OSBPL10: variants seen among roughly 807,000 people sequenced by gnomAD.
The protein encoded by OSBPL10 is oxysterol binding protein like 10.
A neutral mutation model predicts 81.7 loss-of-function variants in OSBPL10; 49 were observed. The ratio of observed to expected loss-of-function variants is 0.60; its 90% CI spans 0.48 to 0.76. OSBPL10 has a LOEUF of 0.76. Ranked by LOEUF, OSBPL10 falls within the 30% of genes least tolerant of loss-of-function variation. The pLI is 0.00. For missense variants in OSBPL10, 923 were observed against 987.8 expected, an observed-to-expected ratio of 0.93 and a Z score of 0.88; for synonymous variants, 419 against 383.6, an observed-to-expected ratio of 1.09 and a Z score of -1.08.
intron 4 of OSBPL10, among the ~76,000 whole-genome samples, chr3:31,799,533 T>TA (rs371941334): frequency 7.8e-6 from 1 of 128,526 alleles, no homozygotes; most frequent in Non-Finnish European, 1.9e-5. Flanking sequence ...GCCTCGTTTG[T>TA]AAAATAATTA....
chr3:32,006,557 A>G (rs1309911684), intron 2 of OSBPL10, among the ~76,000 whole-genome samples: 1 of 152,142 alleles, frequency 6.6e-6, no homozygotes, highest in Non-Finnish European at 1.5e-5. Flanking sequence ...TACTCTTCCT[A>G]CATTTTCTTT....
rs987739648 is a variant in OSBPL10 at position 32,061,231 on chromosome 3, C to A, written n.186-14628G>T. The stretch of plus-strand genomic sequence containing the variant: ...CAGCTCCCCTCTCACCTTATTGTAA[C>A]TCTTTGTTTAATATCTGTCTTTCAG... On this transcript the variant is annotated intron_variant and non_coding_transcript_variant, in intron 1 of 3. Coordinates refer to the OSBPL10 transcript ENST00000479173. 7.6e-5 allele frequency among the ~76,000 whole-genome samples: 7 copies of A among 92,140 alleles called. 2 individuals carry two copies. The highest frequency in any genetic ancestry group is 1.9e-4 in the African/African-American group (7 of 35,910). 60.4% of individuals were successfully genotyped at this position (92,140 alleles called of 152,430 possible). A position where few individuals can be genotyped will look rare whatever the true frequency, so the allele number is the denominator to read the frequency against.
At chr3:32,062,624 C>G (rs12495773) in intron 1 of OSBPL10, among the ~76,000 whole-genome samples, 1 of 92,964 alleles carries the variant, frequency 1.1e-5, no homozygotes, top group Non-Finnish European at 2.9e-5. Flanking sequence ...ATACAGAGCT[C>G]AAAAGGGGAC....
chr3:31,662,674 T>G (rs1559403415), intron 11 of OSBPL10: 3 of 985,520 alleles, frequency 3.0e-6, no homozygotes, highest in Non-Finnish European at 3.6e-6. Context: ...GTGCTGGTGT[T>G]CAGATGACTC....
intron 3 of OSBPL10, among the ~76,000 whole-genome samples, chr3:31,872,358 G>C (rs1387705624): frequency 1.3e-5 from 2 of 152,110 alleles, no homozygotes; most frequent in Non-Finnish European, 2.9e-5. Context: ...CAGCCTCCTG[G>C]TTGGGGCTTC....
In OSBPL10 at chr3:31,664,222, G is replaced by C; in HGVS notation, c.2107C>G (p.Arg703Gly). 1 of 1,612,186 alleles carries C rather than the reference G, an allele frequency of 6.2e-7. No individual in the cohort carries two copies. Among genetic ancestry groups the C allele is most frequent in the Non-Finnish European group, 8.5e-7 (1 of 1,179,964 alleles). Reference sequence around the variant, plus strand: ...AGCCGCAGGTATCGGGTCACCTCCCGCCAGAGGTTCCTGGGGATGCGTGGA... The same window carrying C: ...AGCCGCAGGTATCGGGTCACCTCCCCCCAGAGGTTCCTGGGGATGCGTGGA... ...QGPMESRNLW[R>G]EVTRYLRLGD... Residue 703 changes from arginine (R) to glycine (G), a missense_variant, in exon 11 of 12, where the codon CGG becomes GGG. Arg to Gly is a moderately radical substitution (Grantham distance 125). Around this residue, in one of 3 missense-constraint regions of OSBPL10, gnomAD observed 387 missense variants for 436.3 expected, o/e 0.89. Coordinates refer to ENST00000396556, the MANE Select transcript of OSBPL10 (RefSeq NM_017784.5).
chr3:31,968,349 GAAACA>G (rs1328213714), intron 1 of OSBPL10, among the ~76,000 whole-genome samples: 1 of 152,018 alleles, frequency 6.6e-6, no homozygotes, highest in African/African-American at 2.4e-5. Context: ...AACAAAAAAG[GAAACA>G]AAACAAAAAT....
intron 3 of OSBPL10, among the ~76,000 whole-genome samples, chr3:31,857,805 A>G (rs1346833100): frequency 9.8e-3 from 20 of 2,032 alleles, no homozygotes; most frequent in East Asian, 0.037. Context: ...ACAGAAAGGG[A>G]GAGAGAGAGA....
chr3:31,851,575 CACGAGCTGTCAA>C (rs1219136992), intron 3 of OSBPL10, among the ~76,000 whole-genome samples: 8 of 152,248 alleles, frequency 5.3e-5, no homozygotes, highest in Non-Finnish European at 7.3e-5. Flanking sequence ...GCACGACTCA[CACGAGCTGTCAA>C]ACTTCAGGCT....
intron 1 of OSBPL10, among the ~76,000 whole-genome samples, chr3:32,052,195 A>G (rs1267529996): frequency 1.3e-5 from 2 of 151,810 alleles, no homozygotes; most frequent in African/African-American, 2.4e-5. Flanking sequence ...TGGAATGAGC[A>G]GAGATCACAC....
intron 3 of OSBPL10, among the ~76,000 whole-genome samples, chr3:31,847,678 A>T (rs1355005792): frequency 6.6e-6 from 1 of 151,278 alleles, no homozygotes; most frequent in Non-Finnish European, 1.5e-5. Context: ...TGAGTCAACA[A>T]GATTTTGTCC....
intron 2 of OSBPL10, among the ~76,000 whole-genome samples, chr3:31,997,771 T>A (rs1472209725): frequency 1.3e-5 from 2 of 151,756 alleles, no homozygotes; most frequent in African/African-American, 4.8e-5. Context: ...TGAGCCTCAG[T>A]GTTTTTGTTT....
At chr3:32,020,608 C>T (rs1283446144) in intron 2 of OSBPL10, among the ~76,000 whole-genome samples, 1 of 151,666 alleles carries the variant, frequency 6.6e-6, no homozygotes, top group African/African-American at 2.4e-5. Context: ...GCGTACAAGT[C>T]TTTGTGATGG....
intron 3 of OSBPL10, among the ~76,000 whole-genome samples, chr3:31,865,820 T>C (rs980210531): frequency 6.6e-6 from 1 of 152,252 alleles, no homozygotes; most frequent in Non-Finnish European, 1.5e-5. Context: ...TTACCAGCAG[T>C]ACCCTCTCTA....
At chr3:31,980,856 C>T (rs1262319409) in intron 1 of OSBPL10, 43 bp downstream of exon 1, 1 of 1,521,510 alleles carries the variant, frequency 6.6e-7, no homozygotes, top group East Asian at 2.7e-5. Context: ...CACACACACA[C>T]ACACACAGCG....
At chr3:31,851,219 A>G (rs1285277096) in intron 3 of OSBPL10, among the ~76,000 whole-genome samples, 2 of 152,220 alleles carry the variant, frequency 1.3e-5, no homozygotes, top group Non-Finnish European at 2.9e-5. Flanking sequence ...CTGGGGGAAG[A>G]AAATATTTAT....
Position 31,738,648 on chromosome 3 carries a change from G to A in OSBPL10, c.941-5237C>T, listed in dbSNP as rs529417566. On this transcript the variant is annotated intron_variant, in intron 5 of 11. Coordinates refer to ENST00000396556, the MANE Select transcript of OSBPL10 (RefSeq NM_017784.5). Reference sequence around the variant, plus strand: ...ATCCTAATGGTGACCCACGAGGCACGTACATATTACCACCATGCCTACTTG... The same window carrying A: ...ATCCTAATGGTGACCCACGAGGCACATACATATTACCACCATGCCTACTTG... 1.2e-3 allele frequency among the ~76,000 whole-genome samples: 177 copies of A among 152,186 alleles called. 1 individual carries two copies. Among genetic ancestry groups the A allele is most frequent in the African/African-American group, 4.0e-3 (168 of 41,518 alleles).
intron 8 of OSBPL10, among the ~76,000 whole-genome samples, chr3:31,679,533 C>T (rs1700582213): frequency 6.6e-6 from 1 of 152,162 alleles, no homozygotes; most frequent in African/African-American, 2.4e-5. Context: ...AGGAGGTAAA[C>T]ATGATTAAAA....
intron 1 of OSBPL10, among the ~76,000 whole-genome samples, chr3:31,884,196 A>T (rs1262648147): frequency 1.3e-5 from 2 of 152,198 alleles, no homozygotes; most frequent in African/African-American, 4.8e-5. Context: ...CACATTAATG[A>T]TTTTTCACAT....
Sources: allele counts gnomAD v4.1 joint callset (sites outside exome capture counted in the v4.1 genomes callset), GRCh38; gene constraint gnomAD v4.1.1; regional missense constraint gnomAD v4.1.1; transcripts MANE v1.5; gene names NCBI Gene and HGNC (gene_info 2026-07-23, HGNC 2026-07-21).